The following PIP4K2A variants were observed in gnomAD, a reference collection of about 807,000 sequenced individuals.
The protein encoded by PIP4K2A is phosphatidylinositol 5-phosphate 4-kinase type-2 alpha.
A neutral mutation model predicts 42.9 loss-of-function variants in PIP4K2A; 14 were observed. The ratio of observed to expected loss-of-function variants is 0.33; its 90% confidence interval spans 0.22 to 0.51. The LOEUF (loss-of-function observed/expected upper bound fraction) is 0.51. Among genes scored for constraint, PIP4K2A ranks in the 20% least tolerant of loss-of-function variants. The probability of loss-of-function intolerance (pLI) is 0.97; values close to 1 mark genes in which losing one functional copy is unlikely to be tolerated. For synonymous variants in PIP4K2A, 192 were observed against 192.2 expected (o/e 1.00, Z 0.01); for missense variants, 434 against 519.8 (o/e 0.83, Z 1.61).
chr10:22,648,714 C>T (rs1414646348), intron 1 of PIP4K2A, among the ~76,000 whole-genome samples: 1 of 152,194 alleles, frequency 6.6e-6, no homozygotes, highest in African/African-American at 2.4e-5. Context: ...ACATTTCCTT[C>T]ACACGCTTCA....
intron 4 of PIP4K2A, among the ~76,000 whole-genome samples, chr10:22,583,566 C>T (rs116340009): frequency 2.8e-4 from 42 of 152,248 alleles, no homozygotes; most frequent in African/African-American, 9.6e-4. Flanking sequence ...GGGGAGTGGG[C>T]CCAGGGGCTC....
At chr10:22,549,335 T>C (rs1008809057) in intron 7 of PIP4K2A, among the ~76,000 whole-genome samples, 22 of 151,912 alleles carry the variant, frequency 1.4e-4, no homozygotes, top group Admixed American at 3.3e-4. Flanking sequence ...TCTGTGGCTT[T>C]CGTCATTTTC....
intron 1 of PIP4K2A, among the ~76,000 whole-genome samples, chr10:22,626,086 G>A (rs1186090624): frequency 2.0e-5 from 3 of 152,010 alleles, no homozygotes; most frequent in Non-Finnish European, 2.9e-5. Flanking sequence ...GCGTGGTCCC[G>A]CTGAGTCTTT....
intron 1 of PIP4K2A, among the ~76,000 whole-genome samples, chr10:22,670,032 T>C (rs759054026): frequency 2.0e-5 from 3 of 152,188 alleles, no homozygotes; most frequent in African/African-American, 4.8e-5. Flanking sequence ...CTTCCATTAA[T>C]TGCAGTCTTA....
intron 1 of PIP4K2A, among the ~76,000 whole-genome samples, chr10:22,621,433 T>G (rs1213373304): frequency 6.6e-6 from 1 of 152,256 alleles, no homozygotes; most frequent in Non-Finnish European, 1.5e-5. Flanking sequence ...TAAAATAATT[T>G]AATACTTCCC....
At chr10:22,590,190 A>G (rs937654563) in intron 4 of PIP4K2A, among the ~76,000 whole-genome samples, 4 of 152,146 alleles carry the variant, frequency 2.6e-5, no homozygotes, top group African/African-American at 9.7e-5. Flanking sequence ...AACCTCTAGA[A>G]CTGTAAGAAA....
At chr10:22,617,423 A>G (rs1838199024) in intron 1 of PIP4K2A, among the ~76,000 whole-genome samples, 1 of 152,234 alleles carries the variant, frequency 6.6e-6, no homozygotes, top group African/African-American at 2.4e-5. Flanking sequence ...TTTTTAAGTC[A>G]AGCAAAGAAT....
At chr10:22,570,798 T>C (rs1404397137) in intron 5 of PIP4K2A, among the ~76,000 whole-genome samples, 2 of 151,676 alleles carry the variant, frequency 1.3e-5, no homozygotes, top group African/African-American at 4.8e-5. Flanking sequence ...TTAGCATAAG[T>C]CAAACAGTGG....
chr10:22,608,366 G>T (rs1837955932), intron 2 of PIP4K2A, among the ~76,000 whole-genome samples: 1 of 152,176 alleles, frequency 6.6e-6, no homozygotes, highest in East Asian at 1.9e-4. Flanking sequence ...GGGAGAGTGA[G>T]TTAGGAAGAG....
Position 22,554,689 on chromosome 10 carries a change from G to A in PIP4K2A, c.679-3917C>T, listed in dbSNP as rs1160980430. Among the ~76,000 whole-genome samples, 3 of 152,248 alleles carry A rather than the reference G, an allele frequency of 2.0e-5. 1 individual carries two copies. ...CGAGTCTTTATTTGCGCTGAATTCA[G>A]CTCTGGCCAGTTTTGTGCAGATCAG... On this transcript the variant is annotated intron_variant, in intron 6 of 9. Coordinates refer to ENST00000376573, the MANE Select transcript of PIP4K2A (RefSeq NM_005028.5).
intron 6 of PIP4K2A, among the ~76,000 whole-genome samples, chr10:22,559,485 T>C (rs1836634143): frequency 6.6e-6 from 1 of 152,154 alleles, no homozygotes; most frequent in Non-Finnish European, 1.5e-5. Flanking sequence ...GTCATCTGAG[T>C]GAAAATCTGG....
At chr10:22,683,583 C>G (rs899122101) in intron 1 of PIP4K2A, among the ~76,000 whole-genome samples, 2 of 152,076 alleles carry the variant, frequency 1.3e-5, no homozygotes, top group Admixed American at 6.6e-5. Flanking sequence ...TGTCAACTGT[C>G]GAAAACAAGT....
At chr10:22,657,725 T>A (rs1458882340) in intron 1 of PIP4K2A, among the ~76,000 whole-genome samples, 2 of 152,242 alleles carry the variant, frequency 1.3e-5, no homozygotes, top group Non-Finnish European at 2.9e-5. Context: ...TGTGTCCTTA[T>A]CCATGTGACT....
In PIP4K2A at chr10:22,714,350, C is replaced by A. The variant is rs758440182; in HGVS notation, c.-24G>T. The A allele has an allele frequency of 6.5e-7, 1 of 1,533,970 alleles. No individual in the cohort carries two copies. Among genetic ancestry groups the A allele is most frequent in the East Asian group, 2.6e-5 (1 of 38,728 alleles). The stretch of plus-strand genomic sequence containing the variant: ...ATGGCCGCCTCCTATGTCCCCTCCA[C>A]CGCCGTGCTCCCGAGGCCGGGGACC... On this transcript the variant is annotated 5_prime_UTR_variant, in exon 1 of 10. Coordinates refer to ENST00000376573, the MANE Select transcript of PIP4K2A (RefSeq NM_005028.5).
At chr10:22,601,164 C>CAAAA (rs1226127427) in intron 3 of PIP4K2A, among the ~76,000 whole-genome samples, 1 of 57,662 alleles carries the variant, frequency 1.7e-5, no homozygotes, top group Non-Finnish European at 3.6e-5. Context: ...AAAAAAAAAA[C>CAAAA]AAACCAGGAA....
rs950806231 is a variant in PIP4K2A, at chr10:22,641,568, A to G, written c.145-31851T>C. Among the ~76,000 whole-genome samples the G allele has an allele frequency of 3.3e-5, 5 of 151,990 alleles. No individual in the cohort carries two copies. In the East Asian group the frequency reaches 9.7e-4, roughly 29 times the overall value. ...GTGATCCTCCCACCTCAATGTCCCA[A>G]GTAGCTGGGACTACAGGTACGTGCA... On this transcript the variant is annotated intron_variant, in intron 1 of 9. Transcript: ENST00000376573.
intron 3 of PIP4K2A, among the ~76,000 whole-genome samples, chr10:22,604,500 A>G (rs749299734): frequency 1.3e-5 from 2 of 152,038 alleles, no homozygotes; most frequent in Non-Finnish European, 2.9e-5. Context: ...CGCTTGTCCA[A>G]AATGCAAGCA....
intron 4 of PIP4K2A, among the ~76,000 whole-genome samples, chr10:22,574,148 A>G (rs1021635407): frequency 6.6e-6 from 1 of 151,308 alleles, no homozygotes; most frequent in Non-Finnish European, 1.5e-5. Flanking sequence ...CAAACTCCAG[A>G]GGGCCACAAG....
chr10:22,709,018 A>C (rs958955228), intron 1 of PIP4K2A, among the ~76,000 whole-genome samples: 3 of 151,990 alleles, frequency 2.0e-5, no homozygotes, highest in African/African-American at 7.3e-5. Flanking sequence ...TCTTGGCCTC[A>C]AGCAATCCTC....
Sources: gnomAD v4.1 joint callset for allele counts (sites outside exome capture counted in the v4.1 genomes callset) on GRCh38, gnomAD v4.1.1 for gene constraint, MANE v1.5 for transcripts, NCBI Gene and HGNC (gene_info 2026-07-23, HGNC 2026-07-21) for gene names.